Variants in ADGRL2 observed in about 807,000 individuals in gnomAD.
ADGRL2 encodes the protein adhesion G protein-coupled receptor L2.
A neutral mutation model predicts 157.4 loss-of-function variants in ADGRL2; 44 were observed. The ratio of observed to expected loss-of-function variants is 0.28; its 90% CI spans 0.22 to 0.36. ADGRL2 has a LOEUF of 0.36. ADGRL2 is among the 10% of genes least tolerant of loss of function. ADGRL2 has a pLI of 1.00. For synonymous variants in ADGRL2, 585 were observed against 624.7 expected, an observed-to-expected ratio of 0.94 and a Z score of 0.95; for missense variants, 1,510 against 1,768.9, an observed-to-expected ratio of 0.85 and a Z score of 2.63.
intron 2 of ADGRL2, chr1:81,501,808 G>GCAA (rs535728725): frequency 3.7e-6 from 6 of 1,603,394 alleles, no homozygotes; most frequent in South Asian, 2.2e-5. Context: ...AGCAGCAGCA[G>GCAA]CAACAGCAGC....
intron 3 of ADGRL2, among the ~76,000 whole-genome samples, chr1:81,615,602 C>T (rs750805812): frequency 3.9e-5 from 6 of 152,168 alleles, no homozygotes; most frequent in South Asian, 2.1e-4. Context: ...CGAGGGTCTG[C>T]GGCTTCAATC....
intron 1 of ADGRL2, among the ~76,000 whole-genome samples, chr1:81,442,226 G>A (rs72940939): frequency 0.024 from 3,606 of 152,306 alleles, 74 homozygotes; most frequent in African/African-American, 0.042. Flanking sequence ...AAGTCTGGCT[G>A]TCAGTTGGAA....
chr1:81,533,691 G>T lies in ADGRL2; in HGVS notation c.-247-47185G>T, dbSNP rs116961320. ...AATCTTAATATCAGCTACATGCATT[G>T]AAAGCATAGTCTTACAAATGTGTGT... On this transcript the variant is annotated intron_variant, in intron 2 of 24. Transcript: ENST00000370721. 4.7e-4 allele frequency among the ~76,000 whole-genome samples: 71 copies of T among 152,188 alleles called. No individual in the cohort carries two copies. In the East Asian group the frequency reaches 0.013, roughly 27 times the overall value.
chr1:81,405,354 C>A (rs1221951223), intron 1 of ADGRL2, among the ~76,000 whole-genome samples: 3 of 152,096 alleles, frequency 2.0e-5, no homozygotes, highest in Admixed American at 6.6e-5. Flanking sequence ...GAACTGAATA[C>A]CCCCAATGTG....
At chr1:81,795,470 T>C (rs190345676), upstream of ADGRL2, among the ~76,000 whole-genome samples, 1,099 of 152,336 alleles carry the variant, frequency 7.2e-3, 8 homozygotes, top group Non-Finnish European at 0.012. Flanking sequence ...TACTTTATGC[T>C]GTATAATTAT....
intron 2 of ADGRL2, among the ~76,000 whole-genome samples, chr1:81,450,656 T>C (rs1571000785): frequency 6.6e-6 from 1 of 152,026 alleles, no homozygotes; most frequent in African/African-American, 2.4e-5. Context: ...TTTTATTGCA[T>C]GTATGTACAT....
At chr1:81,814,712 A>G (rs1342759626) in intron 1 of ADGRL2, among the ~76,000 whole-genome samples, 1 of 151,498 alleles carries the variant, frequency 6.6e-6, no homozygotes, top group East Asian at 1.9e-4. Context: ...TCTTTTGCCT[A>G]TTTAATAAAG....
At chr1:81,493,210 C>T (rs1345015551) in intron 2 of ADGRL2, among the ~76,000 whole-genome samples, 2 of 152,166 alleles carry the variant, frequency 1.3e-5, no homozygotes, top group East Asian at 3.9e-4. Flanking sequence ...CCCACTCCCG[C>T]CCCACAGTAA....
chr1:81,502,338 G>A (rs2148021731), intron 2 of ADGRL2: 3 of 1,614,118 alleles, frequency 1.9e-6, no homozygotes, highest in East Asian at 2.2e-5. Flanking sequence ...AAGCAGAATG[G>A]TGGTTTGGCC....
intron 1 of ADGRL2, among the ~76,000 whole-genome samples, chr1:81,320,093 T>C (rs996816781): frequency 6.6e-6 from 1 of 152,188 alleles, no homozygotes; most frequent in African/African-American, 2.4e-5. Context: ...ATTTCAACAA[T>C]GTCCACAGCA....
At chr1:81,932,824 G>C (rs1427816658) in intron 3 of ADGRL2, among the ~76,000 whole-genome samples, 1 of 152,120 alleles carries the variant, frequency 6.6e-6, no homozygotes, top group Non-Finnish European at 1.5e-5. Context: ...CTCCCGAGTA[G>C]CTGGGATTGC....
chr1:81,860,590 C>T (rs997309134), intron 2 of ADGRL2, among the ~76,000 whole-genome samples: 1 of 152,100 alleles, frequency 6.6e-6, no homozygotes, highest in Admixed American at 6.6e-5. Context: ...TGGAAAAATA[C>T]CCCATGGTAA....
At chr1:81,614,847 TAAAAA>T (rs112809079) in intron 3 of ADGRL2, among the ~76,000 whole-genome samples, 1 of 145,338 alleles carries the variant, frequency 6.9e-6, no homozygotes, top group Non-Finnish European at 1.5e-5. Flanking sequence ...CTCTACAAAT[TAAAAA>T]AAAAAAAAAA....
At chr1:81,490,930 CTAAAGTAAGGCACTAT>C (rs1196820615) in intron 2 of ADGRL2, among the ~76,000 whole-genome samples, 4 of 152,162 alleles carry the variant, frequency 2.6e-5, no homozygotes, top group African/African-American at 4.8e-5. Context: ...GTGAAGTATT[CTAAAGTAAGGCACTAT>C]TGACCTTGTG....
At chr1:81,679,149 A>G (rs183083773) in intron 3 of ADGRL2, among the ~76,000 whole-genome samples, 60 of 152,256 alleles carry the variant, frequency 3.9e-4, no homozygotes, top group African/African-American at 1.4e-3. Flanking sequence ...GAGAGTAGGA[A>G]AACTAACAGG....
At chr1:81,622,001 T>G (rs2081801702) in intron 3 of ADGRL2, among the ~76,000 whole-genome samples, 1 of 152,194 alleles carries the variant, frequency 6.6e-6, no homozygotes, top group South Asian at 2.1e-4. Context: ...CTCTCCGTCT[T>G]CAGTTATCAT....
chr1:81,977,559 A>G (rs1660522313), intron 17 of ADGRL2, among the ~76,000 whole-genome samples: 1 of 151,530 alleles, frequency 6.6e-6, no homozygotes. Context: ...CACTTCTAAG[A>G]TTTTATCATT....
At chr1:81,560,980 C>G (rs925691806) in intron 2 of ADGRL2, among the ~76,000 whole-genome samples, 2 of 152,112 alleles carry the variant, frequency 1.3e-5, no homozygotes, top group East Asian at 3.9e-4. Context: ...TGAAGCTATT[C>G]TTTCTGCCTC....
At chr1:81,491,798 A>T in intron 2 of ADGRL2, among the ~76,000 whole-genome samples, 1 of 152,334 alleles carries the variant, frequency 6.6e-6, no homozygotes. Flanking sequence ...TTCTCAATCA[A>T]GAGAACCCCA....
Sources: allele counts gnomAD v4.1 joint callset (sites outside exome capture counted in the v4.1 genomes callset), GRCh38; gene constraint gnomAD v4.1.1; transcripts MANE v1.5; gene names NCBI Gene and HGNC (gene_info 2026-07-23, HGNC 2026-07-21).